Variants in WDR4 observed in about 807,000 individuals in gnomAD.
WDR4 encodes tRNA (guanine-N(7)-)-methyltransferase non-catalytic subunit WDR4.
Under a neutral mutation model 48.6 loss-of-function variants are expected in WDR4, and 47 were observed. The observed-to-expected ratio is 0.97, with a 90% CI of 0.77 to 1.23. WDR4 has a LOEUF of 1.23. WDR4 is among the 50% of genes most tolerant of loss of function. The pLI is 0.00. For missense variants in WDR4, 606 were observed against 551.6 expected, an observed-to-expected ratio of 1.10 and a Z score of -0.99; for synonymous variants, 268 against 230.0, an observed-to-expected ratio of 1.17 and a Z score of -1.49.
At chr21:42,861,346 A>G (rs894497954) in intron 5 of WDR4, among the ~76,000 whole-genome samples, 81 of 10,486 alleles carry the variant, frequency 7.7e-3, no homozygotes, top group African/African-American at 0.031. Context: ...TGGGGTGGGG[A>G]GGGGGGAAGG....
upstream of WDR4, chr21:42,879,738 C>G (rs1449244699): frequency 2.0e-6 from 1 of 511,500 alleles, no homozygotes; most frequent in Non-Finnish European, 3.5e-6. Context: ...TGATGGAGTG[C>G]ACTTCGCACG....
chr21:42,878,266 G>T (rs1323804709), intron 1 of WDR4, among the ~76,000 whole-genome samples: 1 of 152,144 alleles, frequency 6.6e-6, no homozygotes, highest in East Asian at 1.9e-4. Context: ...CACGTATCTT[G>T]TACATATTTA....
intron 1 of WDR4, 88 bp from the exon 2 acceptor site, chr21:42,876,855 G>T: frequency 3.2e-6 from 4 of 1,231,016 alleles, no homozygotes; most frequent in Admixed American, 2.3e-5. Context: ...TTTCGCTCTC[G>T]TTGTCCAGGC....
chr21:42,873,888 A>C (rs1020293003), intron 2 of WDR4, among the ~76,000 whole-genome samples, 197 bp from the exon 3 acceptor site: 3 of 152,192 alleles, frequency 2.0e-5, no homozygotes, highest in East Asian at 1.9e-4. Flanking sequence ...AAGCCTAACT[A>C]AACAGAAAAT....
chr21:42,884,888 G>T, the WDR4 span, among the ~76,000 whole-genome samples: 2 of 151,888 alleles, frequency 1.3e-5, no homozygotes, highest in Non-Finnish European at 2.9e-5. Flanking sequence ...TGATTCTCCT[G>T]CCTCAGCCTC....
At position 42,850,193 on chromosome 21, in the gene WDR4, G is replaced by A. The variant is rs530476358; in HGVS notation, c.1095C>T (p.Phe365=). Residue 365 remains phenylalanine (F), a synonymous_variant, in exon 11 of 11, where the codon TTC becomes TTT. Coordinates refer to ENST00000398208, the MANE Select transcript of WDR4 (RefSeq NM_018669.6). Reference sequence around the variant, plus strand: ...TCTTCAGGTAGGAGGTCACGTTGTCGAACGTGGCCTTGTAGAGACTGCTGA... The same window carrying A: ...TCTTCAGGTAGGAGGTCACGTTGTCAAACGTGGCCTTGTAGAGACTGCTGA... The part of the protein sequence containing the change: ...ASFSSLYKAT[F]DNVTSYLKKK... 36 of 1,613,776 alleles carry A rather than the reference G, an allele frequency of 2.2e-5. 1 individual carries two copies. The highest frequency in any genetic ancestry group is 1.7e-4 in the Middle Eastern group (1 of 6,042).
At chr21:42,891,761 A>T in the WDR4 span, among the ~76,000 whole-genome samples, 8 of 151,906 alleles carry the variant, frequency 5.3e-5, no homozygotes, top group Admixed American at 2.6e-4. Context: ...GTTCGAGACC[A>T]GTCTGGCCAA....
At chr21:42,891,995 T>G in the WDR4 span, among the ~76,000 whole-genome samples, 296 of 150,880 alleles carry the variant, frequency 2.0e-3, 3 homozygotes, top group Admixed American at 3.9e-3. Flanking sequence ...GGCTCACACC[T>G]GTAATCCCAG....
At chr21:42,885,113 G>A in the WDR4 span, among the ~76,000 whole-genome samples, 1 of 152,016 alleles carries the variant, frequency 6.6e-6, no homozygotes, top group African/African-American at 2.4e-5. Context: ...GTCTCTCATT[G>A]AACTGTTATA....
upstream of WDR4, chr21:42,879,756 G>A (rs1230866578): frequency 2.9e-5 from 14 of 486,626 alleles, no homozygotes; most frequent in Non-Finnish European, 1.1e-5. Flanking sequence ...ACGATTCCAA[G>A]TACTTGCCTA....
chr21:42,847,862 C>T (rs1256678017), downstream of WDR4, among the ~76,000 whole-genome samples: 1 of 152,228 alleles, frequency 6.6e-6, no homozygotes, highest in Non-Finnish European at 1.5e-5. Context: ...CCAGCAAGAC[C>T]AACCTGAACC....
intron 3 of WDR4, among the ~76,000 whole-genome samples, chr21:42,863,861 C>T (rs1427804532): frequency 6.7e-6 from 1 of 149,138 alleles, no homozygotes; most frequent in Non-Finnish European, 1.5e-5. Context: ...AATCCCAGCA[C>T]TTTGGGAGGC....
At chr21:42,853,528 A>G in intron 9 of WDR4, 41 bp downstream of exon 9, 1 of 1,577,378 alleles carries the variant, frequency 6.3e-7, no homozygotes, top group South Asian at 1.1e-5. Flanking sequence ...AGGCTTATGG[A>G]AAGGCAGGGC....
the WDR4 span, among the ~76,000 whole-genome samples, chr21:42,889,499 C>T: frequency 6.6e-6 from 1 of 152,162 alleles, no homozygotes; most frequent in Non-Finnish European, 1.5e-5. Context: ...TGGCGATTTC[C>T]AGCCCACTCC....
chr21:42,879,736 T>C, upstream of WDR4: 2 of 515,340 alleles, frequency 3.9e-6, no homozygotes, highest in Middle Eastern at 4.1e-4. Context: ...TCTGATGGAG[T>C]GCACTTCGCA....
intron 3 of WDR4, among the ~76,000 whole-genome samples, chr21:42,870,893 C>G (rs559145586): frequency 6.6e-6 from 1 of 152,288 alleles, no homozygotes; most frequent in Non-Finnish European, 1.5e-5. Context: ...TATGAAAGCT[C>G]TCTACAGCAG....
intron 7 of WDR4, among the ~76,000 whole-genome samples, chr21:42,854,917 C>A (rs1464965509): frequency 6.6e-6 from 1 of 152,020 alleles, no homozygotes; most frequent in Non-Finnish European, 1.5e-5. Flanking sequence ...GAGCGGAGGA[C>A]ACAGGGGAAA....
At chr21:42,877,858 C>T (rs1339485809) in intron 1 of WDR4, among the ~76,000 whole-genome samples, 1 of 151,938 alleles carries the variant, frequency 6.6e-6, no homozygotes, top group African/African-American at 2.4e-5. Flanking sequence ...GCCTGGCTAA[C>T]ACAGTGAAAC....
downstream of WDR4, among the ~76,000 whole-genome samples, chr21:42,845,728 C>T (rs2057705442): frequency 6.6e-6 from 1 of 152,146 alleles, no homozygotes; most frequent in Admixed American, 6.5e-5. Flanking sequence ...ACGCTGGGGT[C>T]GGGGTCTGGG....
Sources: allele counts gnomAD v4.1 joint callset (sites outside exome capture counted in the v4.1 genomes callset), GRCh38; gene constraint gnomAD v4.1.1; transcripts MANE v1.5; gene names NCBI Gene and HGNC (gene_info 2026-07-23, HGNC 2026-07-21).